CCSER1: variants seen among roughly 807,000 people sequenced by gnomAD.
CCSER1 encodes the protein coiled-coil serine rich protein 1, also known as serine-rich coiled-coil domain-containing protein 1.
In CCSER1, 41 loss-of-function variants were observed where a neutral mutation model predicts 82.0. The ratio of observed to expected loss-of-function variants is 0.50; its 90% confidence interval spans 0.39 to 0.65. The LOEUF is 0.65. Among genes scored for constraint, CCSER1 ranks in the 30% least tolerant of loss-of-function variants. The probability of loss-of-function intolerance (pLI) is 0.00; values close to 1 mark genes in which losing one functional copy is unlikely to be tolerated. For synonymous variants in CCSER1, 414 were observed against 383.9 expected (o/e 1.08, Z -0.92); for missense variants, 1,119 against 1,064.2 (o/e 1.05, Z -0.72).
At chr4:90,200,373 AC>A (rs1211292663) in intron 1 of CCSER1, among the ~76,000 whole-genome samples, 1 of 152,144 alleles carries the variant, frequency 6.6e-6, no homozygotes, top group African/African-American at 2.4e-5. Context: ...TAATATTTTA[AC>A]CCAGAATAAT....
chr4:91,588,269 GA>G (rs1184099067), intron 10 of CCSER1, among the ~76,000 whole-genome samples: 4 of 151,240 alleles, frequency 2.6e-5, no homozygotes, highest in Admixed American at 6.6e-5. Context: ...AATAGCCTTA[GA>G]TTTTTTTTTC....
intron 8 of CCSER1, chr4:90,911,257 C>T (rs552862365): frequency 2.3e-4 from 106 of 455,872 alleles, no homozygotes; most frequent in South Asian, 1.5e-5. Flanking sequence ...CTTGATAGCT[C>T]CCGAAAATTT....
chr4:90,650,258 G>T (rs538991970), intron 6 of CCSER1, among the ~76,000 whole-genome samples: 1 of 151,772 alleles, frequency 6.6e-6, no homozygotes, highest in Admixed American at 6.6e-5. Flanking sequence ...GAAAAGAAAG[G>T]GTCAAGAAAG....
chr4:91,303,806 AAAC>A (rs763391569), intron 10 of CCSER1, among the ~76,000 whole-genome samples: 77 of 152,068 alleles, frequency 5.1e-4, no homozygotes, highest in Non-Finnish European at 5.1e-4. Flanking sequence ...AAAAACAAAC[AAAC>A]AACAACAACA....
chr4:90,705,316 C>T (rs1739108692), intron 6 of CCSER1, among the ~76,000 whole-genome samples: 2 of 152,204 alleles, frequency 1.3e-5, no homozygotes, highest in Non-Finnish European at 2.9e-5. Context: ...ATGTTGCTGT[C>T]TGATTGTTCC....
At chr4:90,453,950 C>T (rs1480250710) in intron 4 of CCSER1, among the ~76,000 whole-genome samples, 1 of 152,114 alleles carries the variant, frequency 6.6e-6, no homozygotes, top group Admixed American at 6.5e-5. Flanking sequence ...CCACCAGAGC[C>T]AGGTAGAGGA....
intron 8 of CCSER1, among the ~76,000 whole-genome samples, chr4:90,846,780 A>C (rs2149903783): frequency 6.6e-6 from 1 of 152,138 alleles, no homozygotes; most frequent in South Asian, 2.1e-4. Context: ...CCTCCCGAGT[A>C]GCTGGGATTA....
intron 10 of CCSER1, among the ~76,000 whole-genome samples, chr4:91,316,987 T>C (rs1745881306): frequency 6.6e-6 from 1 of 151,954 alleles, no homozygotes. Flanking sequence ...CACAGCATGG[T>C]GACTACAGTT....
At chr4:90,174,297 A>T (rs910090550) in intron 1 of CCSER1, among the ~76,000 whole-genome samples, 13 of 152,016 alleles carry the variant, frequency 8.6e-5, no homozygotes, top group Non-Finnish European at 1.5e-5. Flanking sequence ...ATAATTAAAA[A>T]TATAAGCAAA....
At chr4:91,390,888 T>C (rs984655545) in intron 10 of CCSER1, among the ~76,000 whole-genome samples, 1 of 152,126 alleles carries the variant, frequency 6.6e-6, no homozygotes, top group Non-Finnish European at 1.5e-5. Context: ...ATATTTATTA[T>C]CCCTTCAGTT....
intron 8 of CCSER1, among the ~76,000 whole-genome samples, chr4:90,891,176 A>T (rs1561313746): frequency 6.6e-6 from 1 of 151,804 alleles, no homozygotes; most frequent in African/African-American, 2.4e-5. Flanking sequence ...TAATCAAACT[A>T]AAATAAATAA....
chr4:90,516,092 T>C (rs1772229307), intron 5 of CCSER1, among the ~76,000 whole-genome samples: 1 of 152,066 alleles, frequency 6.6e-6, no homozygotes, highest in East Asian at 1.9e-4. Flanking sequence ...AAGAATGAGG[T>C]ATTATAACAC....
At chr4:90,317,512 C>G (rs1644101435) in intron 3 of CCSER1, among the ~76,000 whole-genome samples, 1 of 152,106 alleles carries the variant, frequency 6.6e-6, no homozygotes, top group African/African-American at 2.4e-5. Context: ...ATCCCAGCTA[C>G]TCGGAAGGCT....
intron 3 of CCSER1, among the ~76,000 whole-genome samples, chr4:90,381,103 C>T (rs1452077722): frequency 6.6e-6 from 1 of 152,182 alleles, no homozygotes; most frequent in East Asian, 1.9e-4. Flanking sequence ...CATGTGCCTC[C>T]TATGAGCAAG....
At chr4:91,133,795 T>G (rs928688422) in intron 10 of CCSER1, among the ~76,000 whole-genome samples, 1 of 152,142 alleles carries the variant, frequency 6.6e-6, no homozygotes, top group African/African-American at 2.4e-5. Flanking sequence ...AAGCCTGAAG[T>G]ATTTTGTTTT....
intron 5 of CCSER1, among the ~76,000 whole-genome samples, chr4:90,510,222 T>C (rs1035573583): frequency 1.4e-4 from 21 of 152,298 alleles, no homozygotes; most frequent in Admixed American, 4.6e-4. Context: ...TAAAACTCTA[T>C]TCTTTTAGGT....
chr4:91,015,349 T>C (rs1450082939), intron 9 of CCSER1: 1 of 152,082 alleles, frequency 6.6e-6, no homozygotes, highest in Non-Finnish European at 1.5e-5. Context: ...ATCAATTTGC[T>C]TTAACTAATA....
chr4:90,218,142 G>T (rs1458978952), intron 1 of CCSER1, among the ~76,000 whole-genome samples: 2 of 152,206 alleles, frequency 1.3e-5, no homozygotes, highest in Non-Finnish European at 2.9e-5. Context: ...ATGAAAGGAG[G>T]TTAGATTTTA....
intron 8 of CCSER1, among the ~76,000 whole-genome samples, chr4:90,847,418 C>T (rs922264353): frequency 1.3e-5 from 2 of 152,182 alleles, no homozygotes; most frequent in African/African-American, 2.4e-5. Flanking sequence ...AGGATCTTGA[C>T]CTTGCTTCTT....
Sources: allele counts gnomAD v4.1 joint callset (sites outside exome capture counted in the v4.1 genomes callset), GRCh38; gene constraint gnomAD v4.1.1; transcripts MANE v1.5; gene names NCBI Gene and HGNC (gene_info 2026-07-23, HGNC 2026-07-21).